The following ACSBG1 variants were observed in gnomAD, a reference collection of about 807,000 sequenced individuals.
ACSBG1 encodes the protein acyl-CoA synthetase bubblegum family member 1, also known as long-chain-fatty-acid--CoA ligase ACSBG1.
Under a neutral mutation model 80.2 loss-of-function variants are expected in ACSBG1, and 39 were observed. The observed-to-expected ratio is 0.49, with a 90% CI of 0.38 to 0.64. ACSBG1 has a LOEUF of 0.64. Among genes scored for constraint, ACSBG1 ranks in the 30% least tolerant of loss-of-function variants. The pLI is 0.00. For synonymous variants in ACSBG1, 392 were observed against 379.5 expected (o/e 1.03, Z -0.38); for missense variants, 828 against 966.4 (o/e 0.86, Z 1.90).
intron 4 of ACSBG1, 140 bp from the exon 5 acceptor site, chr15:78,193,766 C>T: frequency 6.9e-7 from 1 of 1,443,064 alleles, no homozygotes; most frequent in Non-Finnish European, 9.3e-7. Flanking sequence ...CTGAGCACCT[C>T]CTCCCCTGCA....
chr15:78,204,645 C>T (rs2075197552), intron 2 of ACSBG1, among the ~76,000 whole-genome samples: 1 of 152,238 alleles, frequency 6.6e-6, no homozygotes, highest in African/African-American at 2.4e-5. Flanking sequence ...GAAGGAATCA[C>T]TGGCACTCAT....
rs1400024706 is a variant in ACSBG1 at position 78,174,382 on chromosome 15, C to T, written c.1842+3G>A. The T allele has an allele frequency of 6.2e-6, 10 of 1,614,084 alleles. No individual in the cohort carries two copies. In the East Asian group the frequency reaches 1.3e-4, roughly 22 times the overall value. On this transcript the variant is annotated splice_donor_region_variant and intron_variant, in intron 12 of 13. Coordinates refer to ENST00000258873, the MANE Select transcript of ACSBG1 (RefSeq NM_015162.5). ...CTTCTGAGCTGGAGCCCCCCAGACA[C>T]ACCTTCAAGGTGAGCAGCATGGACA...
intron 2 of ACSBG1, 77 bp downstream of exon 2, chr15:78,207,925 A>ACCCCCCCCCCCCCCCCCCCCCCC: frequency 2.2e-6 from 1 of 454,978 alleles, no homozygotes. Flanking sequence ...GGTCCCCCAC[A>ACCCCCCCCCCCCCCCCCCCCCCC]CCACCCACCC....
chr15:78,206,611 A>T (rs957421848), intron 2 of ACSBG1, among the ~76,000 whole-genome samples: 1 of 151,822 alleles, frequency 6.6e-6, no homozygotes, highest in African/African-American at 2.4e-5. Context: ...CCTCGCCATT[A>T]AACTCAGGGC....
At position 78,176,222 on chromosome 15, in the gene ACSBG1, A is replaced by G. The variant is rs1007319100; in HGVS notation, c.1703-1698T>C. Among the ~76,000 whole-genome samples, 10 of 152,298 alleles carry G rather than the reference A, an allele frequency of 6.6e-5. No homozygotes were observed. The South Asian group carries it at 8.3e-4, about 13-fold the overall frequency. ...TGTGCTCAGCCAAACATACTTAATG[A>G]TAAGTTAGTGAATGCTTCTCCCCTG... On this transcript the variant is annotated intron_variant, in intron 11 of 13. Coordinates refer to ENST00000258873, the MANE Select transcript of ACSBG1 (RefSeq NM_015162.5).
At position 78,182,050 on chromosome 15, in the gene ACSBG1, A is replaced by G. The variant is rs1439795586; in HGVS notation, c.990T>C (p.His330=). Residue 330 remains histidine, a synonymous_variant, in exon 8 of 14, where the codon CAT becomes CAC. Transcript: ENST00000258873. ...ACAGGTCGTAGATCTGGGCGGCAAT[A>G]TGGCTGAGGGGCAGGTAGCTGACTA... The part of the protein sequence containing the change: ...EVVVSYLPLS[H]IAAQIYDLWT... The G allele has an allele frequency of 3.1e-6, 5 of 1,614,038 alleles. 1 individual carries two copies. In the South Asian group the frequency reaches 5.5e-5, roughly 18 times the overall value.
In ACSBG1 at chr15:78,177,334, T is replaced by C. The variant is rs2074892254; in HGVS notation, c.1702+1280A>G. Among the ~76,000 whole-genome samples the C allele has an allele frequency of 6.6e-6, 1 of 152,180 alleles. No individual in the cohort carries two copies. Among genetic ancestry groups the C allele is most frequent in the African/African-American group, 2.4e-5 (1 of 41,438 alleles). On this transcript the variant is annotated intron_variant, in intron 11 of 13. Transcript: ENST00000258873. This position sits in a 1 kb window ranked among gnomAD's most constrained non-coding sequence, Gnocchi z 4.1. Reference sequence around the variant, plus strand: ...ATAGAGTCCACACATAGACCTCTCATAGACAGTCACTTCATAAAGGACAAA... The same window carrying C: ...ATAGAGTCCACACATAGACCTCTCACAGACAGTCACTTCATAAAGGACAAA...
intron 5 of ACSBG1, among the ~76,000 whole-genome samples, chr15:78,183,372 T>C (rs879752561): frequency 8.6e-5 from 13 of 150,970 alleles, no homozygotes; most frequent in Non-Finnish European, 1.9e-4. Flanking sequence ...AGGTCAGGAG[T>C]TCGAGACCAG....
intron 3 of ACSBG1, 120 bp from the exon 4 acceptor site, chr15:78,194,140 T>A: frequency 1.1e-6 from 1 of 938,650 alleles, no homozygotes; most frequent in East Asian, 2.6e-5. Context: ...CAGGGTCCCC[T>A]CAGTCAGAGA....
chr15:78,173,165 G>A lies in ACSBG1; in HGVS notation c.2089+428C>T, dbSNP rs1227618246. Among the ~76,000 whole-genome samples, 10 of 151,992 alleles carry A rather than the reference G, an allele frequency of 6.6e-5. No individual in the cohort carries two copies. In the East Asian group the frequency reaches 7.7e-4, roughly 12 times the overall value. ...GTTCGAGACCAGCCTGACCAACATG[G>A]AGAAACCATGTCTCTACTAAAAATA... On this transcript the variant is annotated intron_variant, in intron 13 of 13. Coordinates refer to ENST00000258873, the MANE Select transcript of ACSBG1 (RefSeq NM_015162.5).
intron 9 of ACSBG1, among the ~76,000 whole-genome samples, chr15:78,179,981 C>T (rs1433083111): frequency 6.6e-6 from 1 of 152,204 alleles, no homozygotes; most frequent in African/African-American, 2.4e-5. Context: ...TATGCAGGCA[C>T]ATGGTTGTGT....
At chr15:78,222,589 G>C (rs2075367765) in intron 1 of ACSBG1, among the ~76,000 whole-genome samples, 1 of 152,198 alleles carries the variant, frequency 6.6e-6, no homozygotes, top group South Asian at 2.1e-4. Flanking sequence ...CTTGAGCCCA[G>C]CCAGTGAGCC....
At chr15:78,214,721 G>A (rs1036806526) in intron 1 of ACSBG1, among the ~76,000 whole-genome samples, 4 of 152,130 alleles carry the variant, frequency 2.6e-5, no homozygotes, top group African/African-American at 4.8e-5. Flanking sequence ...GATTATAGGA[G>A]TGAGTCACTG....
Position 78,172,221 on chromosome 15 carries a change from C to G in ACSBG1, c.2090-692G>C, listed in dbSNP as rs936950231. On this transcript the variant is annotated intron_variant, in intron 13 of 13. Coordinates refer to ENST00000258873, the MANE Select transcript of ACSBG1 (RefSeq NM_015162.5). The surrounding 1 kb of genome is among the most constrained non-coding windows in gnomAD (Gnocchi z 4.1). ...GCTAAGCTGTTCCTGGATTCTTGAC[C>G]CATAGAAATGTGGATAATAAATGTT... 6.6e-6 allele frequency among the ~76,000 whole-genome samples: 1 copy of G among 152,230 alleles called. No homozygotes were observed. The highest frequency in any genetic ancestry group is 1.5e-5 in the Non-Finnish European group (1 of 68,034).
At chr15:78,204,881 C>T (rs537730039) in intron 2 of ACSBG1, among the ~76,000 whole-genome samples, 13 of 152,286 alleles carry the variant, frequency 8.5e-5, no homozygotes, top group African/African-American at 2.2e-4. Context: ...GTGGGAGTGA[C>T]GAACCGAGGG....
Position 78,197,177 on chromosome 15 carries a change from C to A in ACSBG1, c.233-2451G>T, listed in dbSNP as rs146558247. On this transcript the variant is annotated intron_variant, in intron 2 of 13. Transcript: ENST00000258873. Reference sequence around the variant, plus strand: ...TCAAAAACATGTTCAGTGAAAGAAGCCAGGTGCGAAAAAGGAAAGGCAGAA... The same window carrying A: ...TCAAAAACATGTTCAGTGAAAGAAGACAGGTGCGAAAAAGGAAAGGCAGAA... 1.2e-4 allele frequency among the ~76,000 whole-genome samples: 19 copies of A among 152,022 alleles called. No homozygotes were observed. The East Asian group carries it at 3.1e-3, about 25-fold the overall frequency.
chr15:78,218,285 G>A (rs1452855010), intron 1 of ACSBG1, among the ~76,000 whole-genome samples: 1 of 147,904 alleles, frequency 6.8e-6, no homozygotes, highest in Non-Finnish European at 1.5e-5. Flanking sequence ...GGGAGTGGGG[G>A]TAGGGGTGAA....
chr15:78,184,191 G>T (rs555082383), intron 5 of ACSBG1, among the ~76,000 whole-genome samples: 3 of 152,046 alleles, frequency 2.0e-5, no homozygotes, highest in Admixed American at 2.0e-4. Flanking sequence ...TTGTTTTGTT[G>T]GTTTTGTTTG....
intron 1 of ACSBG1, among the ~76,000 whole-genome samples, chr15:78,231,752 C>T (rs971025602): frequency 1.3e-5 from 2 of 152,070 alleles, no homozygotes; most frequent in African/African-American, 4.8e-5. Context: ...TCATGCCTGG[C>T]CAATTTTTAA....
Sources: gnomAD v4.1 joint callset for allele counts (sites outside exome capture counted in the v4.1 genomes callset) on GRCh38, gnomAD v4.1.1 for gene constraint, Gnocchi (gnomAD v3.1) non-coding constraint, MANE v1.5 for transcripts, NCBI Gene and HGNC (gene_info 2026-07-23, HGNC 2026-07-21) for gene names.